The following OLA1 variants were observed in gnomAD, a reference collection of about 807,000 sequenced individuals.
OLA1 encodes the protein obg-like ATPase 1.
A neutral mutation model predicts 48.4 loss-of-function variants in OLA1; 14 were observed. That is an observed-to-expected ratio of 0.29 (90% CI 0.19 to 0.45). The LOEUF is 0.45. Ranked by LOEUF, OLA1 falls within the 20% of genes least tolerant of loss-of-function variation. The pLI, the probability that OLA1 is intolerant of heterozygous loss-of-function variation, is 1.00. For missense variants in OLA1, 325 were observed against 467.1 expected, an observed-to-expected ratio of 0.70 and a Z score of 2.80; for synonymous variants, 127 against 150.4, an observed-to-expected ratio of 0.84 and a Z score of 1.14.
At chr2:174,230,777 G>A (rs1381795776) in intron 2 of OLA1, among the ~76,000 whole-genome samples, 2 of 152,174 alleles carry the variant, frequency 1.3e-5, no homozygotes, top group East Asian at 3.8e-4. Flanking sequence ...TCTCCTTCTG[G>A]ATGAGATGTA....
chr2:174,145,296 C>T (rs1686567398), intron 4 of OLA1, among the ~76,000 whole-genome samples: 1 of 152,032 alleles, frequency 6.6e-6, no homozygotes, highest in Admixed American at 6.6e-5. Flanking sequence ...CTATTCAATT[C>T]ACCTTGGAAA....
intron 4 of OLA1, among the ~76,000 whole-genome samples, chr2:174,212,334 CA>C (rs893882841): frequency 3.3e-5 from 5 of 151,686 alleles, no homozygotes; most frequent in Non-Finnish European, 5.9e-5. Context: ...GTATAAAAGA[CA>C]AAAAAAATCA....
At position 174,235,758 on chromosome 2, in the gene OLA1, A is replaced by G. The variant is rs141751193; in HGVS notation, c.102-6307T>C. Among the ~76,000 whole-genome samples, 296 of 152,304 alleles carry G rather than the reference A, an allele frequency of 1.9e-3. 2 individuals are homozygous for G. Among genetic ancestry groups the G allele is most frequent in the African/African-American group, 6.8e-3 (283 of 41,554 alleles). ...GAGAAAACGCTCTGAAGAGCTGCAG[A>G]GGGTCCCCTCAAGAACGCAGCTAAG... On this transcript the variant is annotated intron_variant, in intron 2 of 10. Coordinates refer to ENST00000284719, the MANE Select transcript of OLA1 (RefSeq NM_013341.5).
chr2:174,166,363 G>T (rs573133151), intron 4 of OLA1, among the ~76,000 whole-genome samples: 10 of 150,740 alleles, frequency 6.6e-5, no homozygotes, highest in African/African-American at 2.4e-4. Flanking sequence ...TTCTTAGACA[G>T]AACAGATACC....
At position 174,187,052 on chromosome 2, in the gene OLA1, T is replaced by A. The variant is rs185107412; in HGVS notation, c.373+35981A>T. ...GAACACATGCCATTTAATAATATGA[T>A]CAAAAAACAAACAAAGATTCACATG... On this transcript the variant is annotated intron_variant, in intron 4 of 10. Transcript: ENST00000284719. 9.2e-5 allele frequency among the ~76,000 whole-genome samples: 14 copies of A among 152,188 alleles called. No homozygotes were observed. In the East Asian group the frequency reaches 2.5e-3, roughly 27 times the overall value.
intron 5 of OLA1, among the ~76,000 whole-genome samples, chr2:174,134,445 ATTC>A (rs1686254077): frequency 6.6e-6 from 1 of 152,186 alleles, no homozygotes; most frequent in African/African-American, 2.4e-5. Context: ...TAGTAAGAAC[ATTC>A]TTCTAGTTAT....
chr2:174,238,429 G>C (rs1307509200), intron 2 of OLA1, among the ~76,000 whole-genome samples: 5 of 149,994 alleles, frequency 3.3e-5, no homozygotes, highest in Non-Finnish European at 7.4e-5. Flanking sequence ...AGGAGGTGGA[G>C]GCTGCAGTGA....
chr2:174,178,592 T>C (rs148654187), intron 4 of OLA1, among the ~76,000 whole-genome samples: 20 of 152,150 alleles, frequency 1.3e-4, no homozygotes, highest in African/African-American at 3.6e-4. Flanking sequence ...CTGCATGCGT[T>C]ATGTCAGCTA....
At chr2:174,157,204 C>A (rs766204609) in intron 4 of OLA1, among the ~76,000 whole-genome samples, 40 of 152,102 alleles carry the variant, frequency 2.6e-4, no homozygotes, top group Non-Finnish European at 4.9e-4. Context: ...ATGTTAATCA[C>A]AAAGAGAATG....
At chr2:174,200,596 T>A (rs1019517257) in intron 4 of OLA1, among the ~76,000 whole-genome samples, 1 of 152,134 alleles carries the variant, frequency 6.6e-6, no homozygotes, top group African/African-American at 2.4e-5. Flanking sequence ...CTGGAACAAC[T>A]GGAATATCAA....
chr2:174,140,042 C>T (rs1686408238), intron 5 of OLA1, among the ~76,000 whole-genome samples: 4 of 152,120 alleles, frequency 2.6e-5, no homozygotes, highest in South Asian at 4.1e-4. Flanking sequence ...ATACAAATGG[C>T]ATCCAAATCT....
At chr2:174,238,937 G>T (rs1414760851) in intron 2 of OLA1, among the ~76,000 whole-genome samples, 1 of 151,784 alleles carries the variant, frequency 6.6e-6, no homozygotes, top group Non-Finnish European at 1.5e-5. Context: ...ACCAAATATG[G>T]GCAATTAGAG....
At chr2:174,232,288 A>G (rs1688745734) in intron 2 of OLA1, among the ~76,000 whole-genome samples, 1 of 152,236 alleles carries the variant, frequency 6.6e-6, no homozygotes, top group African/African-American at 2.4e-5. Flanking sequence ...AAATTCCCAC[A>G]GCATTCTGAA....
chr2:174,117,671 C>T (rs920002042), intron 7 of OLA1, among the ~76,000 whole-genome samples: 2 of 152,138 alleles, frequency 1.3e-5, no homozygotes, highest in African/African-American at 4.8e-5. Context: ...TGCTCTTCCT[C>T]CTATCCCACA....
intron 7 of OLA1, among the ~76,000 whole-genome samples, chr2:174,086,777 G>A (rs1002406468): frequency 3.3e-5 from 5 of 152,096 alleles, no homozygotes; most frequent in African/African-American, 4.8e-5. Flanking sequence ...TACTCAGAGC[G>A]GTGTGTAATT....
At chr2:174,202,005 C>A (rs1330664244) in intron 4 of OLA1, among the ~76,000 whole-genome samples, 1 of 151,602 alleles carries the variant, frequency 6.6e-6, no homozygotes, top group African/African-American at 2.4e-5. Flanking sequence ...GGATTTTTTT[C>A]AATAAACATA....
intron 4 of OLA1, among the ~76,000 whole-genome samples, chr2:174,180,783 T>A (rs1342210678): frequency 6.6e-6 from 1 of 152,144 alleles, no homozygotes; most frequent in Non-Finnish European, 1.5e-5. Flanking sequence ...AAATCAAAAG[T>A]AGTAAAATAA....
rs1436007668 is a variant in OLA1 at position 174,074,565 on chromosome 2, T to G, written c.*861A>C. The G allele has an allele frequency of 6.6e-6, 1 of 152,252 alleles. No individual in the cohort carries two copies. Among genetic ancestry groups the G allele is most frequent in the African/African-American group, 2.4e-5 (1 of 41,466 alleles). 9.4% of individuals were successfully genotyped at this position (152,252 alleles called of 1,614,324 possible). On this transcript the variant is annotated 3_prime_UTR_variant, in exon 11 of 11. Transcript: ENST00000284719. ...GTGTAGGAACTTTTATACACATTGC[T>G]GAATTGAAGCAAAACATAACCCACC...
chr2:174,096,811 A>G (rs1450732230), intron 7 of OLA1, among the ~76,000 whole-genome samples: 1 of 152,200 alleles, frequency 6.6e-6, no homozygotes, highest in African/African-American at 2.4e-5. Context: ...GTTACTGTAG[A>G]GTTAAAAATA....
Sources: gnomAD v4.1 joint callset for allele counts (sites outside exome capture counted in the v4.1 genomes callset) on GRCh38, gnomAD v4.1.1 for gene constraint, MANE v1.5 for transcripts, NCBI Gene and HGNC (gene_info 2026-07-23, HGNC 2026-07-21) for gene names.